Variants in IDO2 observed in about 807,000 individuals in gnomAD.
The protein encoded by IDO2 is indoleamine 2,3-dioxygenase-like 1 protein.
A neutral mutation model predicts 45.1 loss-of-function variants in IDO2; 46 were observed. That is an observed-to-expected ratio of 1.02 (90% CI 0.80 to 1.30). The LOEUF is 1.30. IDO2 is among the 50% of genes most tolerant of loss of function. IDO2 has a pLI of 0.00. For missense variants in IDO2, 544 were observed against 491.8 expected (o/e 1.11, Z -1.00); for synonymous variants, 218 against 184.9 (o/e 1.18, Z -1.45).
intron 8 of IDO2, chr8:39,995,199 T>C (rs1231551688): frequency 4.4e-5 from 2 of 45,634 alleles, no homozygotes; most frequent in East Asian, 4.5e-4. Context: ...CTTCTTCTTC[T>C]TCTCCTTCTC....
chr8:39,989,830 A>G (rs1184652450), exon 8 of IDO2: 1 of 1,588,598 alleles, frequency 6.3e-7, no homozygotes, highest in Non-Finnish European at 8.6e-7. Context: ...ACCTTAGGAC[A>G]GATGCATGGT....
chr8:39,959,992 A>G (rs1298181149), intron 2 of IDO2, among the ~76,000 whole-genome samples: 1 of 151,996 alleles, frequency 6.6e-6, no homozygotes, highest in African/African-American at 2.4e-5. Flanking sequence ...CAATCAATCA[A>G]TCAGAGATTG....
intron 4 of IDO2, among the ~76,000 whole-genome samples, chr8:39,980,615 G>A (rs1003218402): frequency 2.6e-5 from 4 of 152,144 alleles, no homozygotes; most frequent in African/African-American, 4.8e-5. Flanking sequence ...CCACGGTGAA[G>A]AGAACAGCCT....
chr8:40,011,763 A>G (rs1418718317), intron 9 of IDO2, among the ~76,000 whole-genome samples: 2 of 152,240 alleles, frequency 1.3e-5, no homozygotes, highest in Non-Finnish European at 1.5e-5. Flanking sequence ...TACTCAGATG[A>G]GAAAGCTGAG....
Position 39,935,167 on chromosome 8 carries a change from T to C in IDO2, c.-69T>C, listed in dbSNP as rs1251024741. 1 of 1,611,496 alleles carries C rather than the reference T, an allele frequency of 6.2e-7. No homozygotes were observed. The highest frequency in any genetic ancestry group is 8.5e-7 in the Non-Finnish European group (1 of 1,177,628). On this transcript the variant is annotated 5_prime_UTR_variant, in exon 1 of 11. The change abolishes the stop of an existing upstream ORF in the 5' untranslated region. Coordinates refer to ENST00000502986, the Ensembl canonical transcript of IDO2. ...GAAAACCTTCTTAGGAAATGAAGCT[T>C]GACACTTCACCCACCAGGCCACCAC...
chr8:39,997,535 G>T lies in IDO2; in HGVS notation c.667+7697G>T, dbSNP rs573122085. 2.2e-4 allele frequency among the ~76,000 whole-genome samples: 34 copies of T among 152,186 alleles called. No homozygotes were observed. The South Asian group carries it at 6.8e-3, about 31-fold the overall frequency. On this transcript the variant is annotated intron_variant, in intron 8 of 10. Transcript: ENST00000502986. ...AAAAATACAAAAATTAGATGGTAAT[G>T]GTGGTGAGCGCCTGTGGTTCCAGCT...
chr8:39,968,274 A>G (rs556968118), intron 3 of IDO2, among the ~76,000 whole-genome samples: 1 of 152,332 alleles, frequency 6.6e-6, no homozygotes, highest in Admixed American at 6.5e-5. Flanking sequence ...TCAGGCCTAT[A>G]TTGTATGATT....
At chr8:39,947,127 G>T (rs1807744721) in intron 1 of IDO2, among the ~76,000 whole-genome samples, 1 of 123,208 alleles carries the variant, frequency 8.1e-6, no homozygotes, top group Admixed American at 1.1e-4. Context: ...CTGCACTCAA[G>T]CCTAACCAAC....
At chr8:39,937,523 T>TA (rs1807571876) in intron 1 of IDO2, among the ~76,000 whole-genome samples, 1 of 139,186 alleles carries the variant, frequency 7.2e-6, no homozygotes, top group Non-Finnish European at 1.6e-5. Flanking sequence ...CAAAATATCT[T>TA]CTTTTTTTTT....
intron 3 of IDO2, among the ~76,000 whole-genome samples, chr8:39,976,724 C>A (rs1033669844): frequency 1.3e-5 from 2 of 152,156 alleles, no homozygotes; most frequent in African/African-American, 4.8e-5. Flanking sequence ...ATTTGGCCCT[C>A]CCAAACTGAG....
chr8:39,985,611 A>G, intron 6 of IDO2, 89 bp downstream of exon 6: 1 of 1,070,646 alleles, frequency 9.3e-7, no homozygotes, highest in Non-Finnish European at 1.4e-6. Context: ...ATGCTAAATT[A>G]TATGTATAAT....
chr8:39,936,772 G>C (rs1807558789), intron 1 of IDO2, among the ~76,000 whole-genome samples: 1 of 152,120 alleles, frequency 6.6e-6, no homozygotes, highest in Non-Finnish European at 1.5e-5. Flanking sequence ...AGAAAATGAA[G>C]ATAAATTTGG....
chr8:39,948,609 C>T (rs758903912), intron 1 of IDO2, among the ~76,000 whole-genome samples: 6 of 152,118 alleles, frequency 3.9e-5, no homozygotes, highest in Admixed American at 6.5e-5. Context: ...TTTATCTTGA[C>T]GTGCTAATGG....
intron 2 of IDO2, among the ~76,000 whole-genome samples, chr8:39,963,283 A>G (rs914574942): frequency 4.6e-5 from 7 of 152,228 alleles, no homozygotes; most frequent in African/African-American, 1.7e-4. Context: ...TTTCACTTTA[A>G]TTCCTCACAA....
chr8:39,947,231 T>C (rs1217120656), intron 1 of IDO2, among the ~76,000 whole-genome samples: 2 of 150,286 alleles, frequency 1.3e-5, no homozygotes, highest in African/African-American at 4.9e-5. Flanking sequence ...TTGTTCTTGC[T>C]GTAAAATGTA....
chr8:39,942,143 A>C (rs1018497159), intron 1 of IDO2, among the ~76,000 whole-genome samples: 2 of 152,230 alleles, frequency 1.3e-5, no homozygotes, highest in African/African-American at 4.8e-5. Context: ...AAACAACATG[A>C]AACATGAGAA....
chr8:39,968,888 T>TA (rs753978365), intron 3 of IDO2, among the ~76,000 whole-genome samples: 20,904 of 130,586 alleles, frequency 0.16, 2,190 homozygotes, highest in African/African-American at 0.32. Flanking sequence ...TTTAAAAAAG[T>TA]AAAAAAAAAA....
intron 8 of IDO2, among the ~76,000 whole-genome samples, chr8:40,002,757 G>A (rs1341714858): frequency 6.6e-6 from 1 of 152,090 alleles, no homozygotes. Context: ...TCCAGCCTGG[G>A]TGACAGAGTG....
chr8:40,006,423 A>AT (rs1394394805), intron 9 of IDO2, among the ~76,000 whole-genome samples: 1 of 152,112 alleles, frequency 6.6e-6, no homozygotes, highest in African/African-American at 2.4e-5. Flanking sequence ...TATTAAATGC[A>AT]TTTTTTGTCT....
Sources: gnomAD v4.1 joint callset for allele counts (sites outside exome capture counted in the v4.1 genomes callset) on GRCh38, gnomAD v4.1.1 for gene constraint, MANE v1.5 for transcripts, NCBI Gene and HGNC (gene_info 2026-07-23, HGNC 2026-07-21) for gene names.